The following ANO4 variants were observed in gnomAD, a reference collection of about 807,000 sequenced individuals.
ANO4 encodes the protein anoctamin 4.
In ANO4, 69 loss-of-function variants were observed where a neutral mutation model predicts 141.9. The ratio of observed to expected loss-of-function variants is 0.49; its 90% CI spans 0.40 to 0.59. The LOEUF (loss-of-function observed/expected upper bound fraction) is 0.59. Ranked by LOEUF, ANO4 falls within the 20% of genes least tolerant of loss-of-function variation. ANO4 has a pLI of 0.00. For synonymous variants in ANO4, 350 were observed against 394.3 expected (o/e 0.89, Z 1.33); for missense variants, 894 against 1,162.2 (o/e 0.77, Z 3.36).
upstream of ANO4, chr12:100,717,453 C>G (rs1318491865): frequency 2.5e-6 from 1 of 396,400 alleles, no homozygotes; most frequent in Non-Finnish European, 4.5e-6. Context: ...CGGGCCGGGC[C>G]GTCCAGGGGC....
At chr12:101,116,928 A>G in intron 25 of ANO4, 130 bp downstream of exon 25, 1 of 1,261,152 alleles carries the variant, frequency 7.9e-7, no homozygotes, top group Non-Finnish European at 1.1e-6. Context: ...GTGCATTAAA[A>G]GCACATGAAG....
Position 101,110,539 on chromosome 12 carries a change from C to T in ANO4, c.2285C>T (p.Ser762Leu), listed in dbSNP as rs1282357180. Residue 762 changes from serine to leucine, a missense_variant, in exon 23 of 28, where the codon TCA (serine) becomes TTA (leucine). Physicochemically the swap from Ser to Leu is moderately radical, Grantham distance 145. Transcript: ENST00000392977. ...FVTQWRRPLA[S>L]RAKDIGIWYG... ...ACACAGTGGAGGAGACCTTTAGCTT[C>T]AAGGGCCAAAGACATAGGTAAGTTG... The T allele has an allele frequency of 6.3e-7, 1 of 1,595,524 alleles. No individual in the cohort carries two copies. The highest frequency in any genetic ancestry group is 8.5e-7 in the Non-Finnish European group (1 of 1,171,510).
At chr12:100,728,690 A>G (rs189154331) in intron 1 of ANO4, among the ~76,000 whole-genome samples, 50 of 152,318 alleles carry the variant, frequency 3.3e-4, no homozygotes, top group African/African-American at 1.2e-3. Flanking sequence ...TGCCTGACAA[A>G]GAGTGAGTGC....
chr12:100,850,540 A>G (rs979400973), intron 1 of ANO4, among the ~76,000 whole-genome samples: 1 of 152,176 alleles, frequency 6.6e-6, no homozygotes, highest in Admixed American at 6.5e-5. Context: ...TCTCAGGCAT[A>G]CATTTTACCT....
intron 1 of ANO4, among the ~76,000 whole-genome samples, chr12:100,803,970 A>G (rs1432683284): frequency 6.6e-6 from 1 of 151,680 alleles, no homozygotes. Context: ...TCAACTTTTA[A>G]GTTCTGCGGT....
chr12:101,076,387 A>C (rs1338971231), intron 14 of ANO4, among the ~76,000 whole-genome samples: 1 of 152,188 alleles, frequency 6.6e-6, no homozygotes, highest in African/African-American at 2.4e-5. Flanking sequence ...TATATTTCCC[A>C]GTCTCCAGAC....
chr12:101,033,331 G>A (rs549383996), intron 9 of ANO4, among the ~76,000 whole-genome samples: 2 of 152,138 alleles, frequency 1.3e-5, no homozygotes, highest in South Asian at 2.1e-4. Context: ...GTGGGGGAAG[G>A]GGGGAGGGAT....
At chr12:101,020,880 T>C (rs1380143394) in intron 9 of ANO4, among the ~76,000 whole-genome samples, 2 of 152,196 alleles carry the variant, frequency 1.3e-5, no homozygotes, top group Non-Finnish European at 2.9e-5. Context: ...GCAAGTTTTT[T>C]ATCAATAGTT....
At chr12:100,915,841 A>T (rs1487868573) in intron 2 of ANO4, among the ~76,000 whole-genome samples, 1 of 152,200 alleles carries the variant, frequency 6.6e-6, no homozygotes, top group Non-Finnish European at 1.5e-5. Context: ...TAAAAGTAGC[A>T]TTCAAATCCA....
At chr12:101,008,167 G>C (rs2045945535) in intron 8 of ANO4, among the ~76,000 whole-genome samples, 1 of 151,800 alleles carries the variant, frequency 6.6e-6, no homozygotes, top group African/African-American at 2.4e-5. Flanking sequence ...TATTCCAAAG[G>C]GTTCCTTCCT....
intron 5 of ANO4, among the ~76,000 whole-genome samples, chr12:100,943,317 T>G (rs2042590041): frequency 6.6e-6 from 1 of 152,186 alleles, no homozygotes; most frequent in Non-Finnish European, 1.5e-5. Flanking sequence ...AACAACACAT[T>G]GGTAATTTAA....
At chr12:100,824,697 G>A (rs1021556873) in intron 1 of ANO4, among the ~76,000 whole-genome samples, 3 of 152,050 alleles carry the variant, frequency 2.0e-5, no homozygotes, top group African/African-American at 4.8e-5. Flanking sequence ...GGCAGCCAGT[G>A]GGGAAGATCT....
chr12:100,970,709 C>CAA (rs2043892315), intron 5 of ANO4, among the ~76,000 whole-genome samples: 1 of 128,744 alleles, frequency 7.8e-6, no homozygotes, highest in African/African-American at 2.9e-5. Flanking sequence ...TTCCTTCCTT[C>CAA]CTTCCTTCCT....
intron 5 of ANO4, among the ~76,000 whole-genome samples, chr12:100,952,824 G>A (rs1298665719): frequency 6.6e-6 from 1 of 152,100 alleles, no homozygotes; most frequent in African/African-American, 2.4e-5. Flanking sequence ...GCTTATTTAG[G>A]TAGACAAAGT....
chr12:101,117,749 A>G (rs914392397), intron 25 of ANO4, among the ~76,000 whole-genome samples: 1 of 152,206 alleles, frequency 6.6e-6, no homozygotes, highest in Non-Finnish European at 1.5e-5. Flanking sequence ...ATGACATTCT[A>G]TGTTCTCCCT....
chr12:100,777,249 A>G (rs1438190478), intron 3 of ANO4, among the ~76,000 whole-genome samples: 5 of 145,570 alleles, frequency 3.4e-5, no homozygotes, highest in Admixed American at 6.8e-5. Flanking sequence ...TACACCACCA[A>G]GTCCAGCTAA....
At chr12:100,879,505 A>G (rs2039467368) in intron 1 of ANO4, among the ~76,000 whole-genome samples, 1 of 152,158 alleles carries the variant, frequency 6.6e-6, no homozygotes, top group Admixed American at 6.6e-5. Context: ...TTTTGCATCT[A>G]TTTCAGCACC....
At chr12:101,105,578 C>A (rs890843800) in intron 22 of ANO4, among the ~76,000 whole-genome samples, 2 of 152,038 alleles carry the variant, frequency 1.3e-5, no homozygotes, top group Admixed American at 6.5e-5. Context: ...AAAAAGATTA[C>A]TAGGTATGCA....
At chr12:100,813,601 A>G (rs554538610) in intron 1 of ANO4, among the ~76,000 whole-genome samples, 133 of 152,322 alleles carry the variant, frequency 8.7e-4, no homozygotes, top group African/African-American at 3.0e-3. Context: ...GTGAACAATA[A>G]AAGACTTTCC....
Sources: allele counts gnomAD v4.1 joint callset (sites outside exome capture counted in the v4.1 genomes callset), GRCh38; gene constraint gnomAD v4.1.1; transcripts MANE v1.5; gene names NCBI Gene and HGNC (gene_info 2026-07-23, HGNC 2026-07-21).